The following NKAIN3 variants were observed in gnomAD, a reference collection of about 807,000 sequenced individuals.
The protein encoded by NKAIN3 is sodium/potassium-transporting ATPase subunit beta-1-interacting protein 3.
In NKAIN3, 25 loss-of-function variants were observed where a neutral mutation model predicts 30.2. That is an observed-to-expected ratio of 0.83 (90% CI 0.60 to 1.16). NKAIN3 has a LOEUF of 1.16. Among genes scored for constraint, NKAIN3 ranks in the 50% most tolerant of loss-of-function variants. The pLI, the probability that NKAIN3 is intolerant of heterozygous loss-of-function variation, is 0.00. For synonymous variants in NKAIN3, 91 were observed against 89.6 expected (o/e 1.02, Z -0.09); for missense variants, 225 against 254.1 (o/e 0.89, Z 0.78).
At chr8:62,501,257 G>A (rs1236666626) in intron 1 of NKAIN3, among the ~76,000 whole-genome samples, 1 of 152,072 alleles carries the variant, frequency 6.6e-6, no homozygotes, top group Non-Finnish European at 1.5e-5. Context: ...CACTATCCAT[G>A]AGTAGCTACT....
intron 4 of NKAIN3, among the ~76,000 whole-genome samples, chr8:62,766,018 T>C (rs2130626646): frequency 6.6e-6 from 1 of 152,336 alleles, no homozygotes; most frequent in South Asian, 2.1e-4. Context: ...TCTTGCTTGC[T>C]TTATTTCCAT....
chr8:62,884,527 G>A lies in NKAIN3; in HGVS notation c.472-33926G>A, dbSNP rs535828314. 4.6e-5 allele frequency among the ~76,000 whole-genome samples: 7 copies of A among 152,316 alleles called. No homozygotes were observed. In the South Asian group the frequency reaches 1.2e-3, roughly 27 times the overall value. ...CCACCTCGGCCTCCCAAAGTGCTGG[G>A]ATTACAGGCGTGAGCCCCTGCGTCA... On this transcript the variant is annotated intron_variant, in intron 4 of 6. Coordinates refer to ENST00000623646, the MANE Select transcript of NKAIN3 (RefSeq NM_001304533.3).
chr8:62,282,059 C>G lies in NKAIN3; in HGVS notation c.54+32932C>G, dbSNP rs190378655. Among the ~76,000 whole-genome samples, 277 of 151,916 alleles carry G rather than the reference C, an allele frequency of 1.8e-3. 1 individual carries two copies. Among genetic ancestry groups the G allele is most frequent in the African/African-American group, 6.4e-3 (266 of 41,436 alleles). On this transcript the variant is annotated intron_variant, in intron 1 of 6. Coordinates refer to ENST00000623646, the MANE Select transcript of NKAIN3 (RefSeq NM_001304533.3). ...TGGATCTCTCTCGAGACATCTGTAACCAACAGAAATTAGATGCACAAATCC... is the reference window on the plus strand; with the variant it reads ...TGGATCTCTCTCGAGACATCTGTAAGCAACAGAAATTAGATGCACAAATCC...
chr8:62,736,109 G>T (rs1362535532), intron 3 of NKAIN3, among the ~76,000 whole-genome samples: 1 of 152,186 alleles, frequency 6.6e-6, no homozygotes, highest in Non-Finnish European at 1.5e-5. Flanking sequence ...TTCTGGTTTT[G>T]TGTTTGTTGG....
intron 4 of NKAIN3, among the ~76,000 whole-genome samples, chr8:62,860,743 C>T (rs1820215014): frequency 6.6e-6 from 1 of 152,214 alleles, no homozygotes; most frequent in Non-Finnish European, 1.5e-5. Context: ...GCTTCTTGAC[C>T]TTAGGTTGCA....
intron 4 of NKAIN3, among the ~76,000 whole-genome samples, chr8:62,803,513 T>G (rs1448899919): frequency 2.0e-5 from 3 of 152,108 alleles, no homozygotes; most frequent in Admixed American, 2.0e-4. Context: ...CCTGAATGAC[T>G]ACTGGGTACA....
intron 4 of NKAIN3, among the ~76,000 whole-genome samples, chr8:62,871,163 G>A (rs1820629988): frequency 6.6e-6 from 1 of 152,010 alleles, no homozygotes; most frequent in Non-Finnish European, 1.5e-5. Flanking sequence ...CACTTTGGGA[G>A]GCCAAAGTGG....
chr8:62,330,134 G>A (rs1815290042), intron 1 of NKAIN3, among the ~76,000 whole-genome samples: 1 of 152,024 alleles, frequency 6.6e-6, no homozygotes, highest in African/African-American at 2.4e-5. Context: ...GAAGAGAAAG[G>A]GTGAGCCAAG....
At chr8:62,279,039 G>T (rs961576397) in intron 1 of NKAIN3, among the ~76,000 whole-genome samples, 1 of 152,142 alleles carries the variant, frequency 6.6e-6, no homozygotes, top group Non-Finnish European at 1.5e-5. Context: ...CCCATCACCT[G>T]TTGTTTTCTG....
intron 4 of NKAIN3, among the ~76,000 whole-genome samples, chr8:62,834,772 G>T (rs1819307165): frequency 6.6e-6 from 1 of 151,996 alleles, no homozygotes; most frequent in Non-Finnish European, 1.5e-5. Context: ...GCAATCAATA[G>T]ATTCAATGTT....
At chr8:62,287,907 A>G (rs1361561752) in intron 1 of NKAIN3, among the ~76,000 whole-genome samples, 1 of 152,154 alleles carries the variant, frequency 6.6e-6, no homozygotes, top group Non-Finnish European at 1.5e-5. Context: ...CTCTAATCAC[A>G]TTGACTTGCT....
At chr8:62,676,467 G>T (rs1286259475) in intron 3 of NKAIN3, among the ~76,000 whole-genome samples, 2 of 152,192 alleles carry the variant, frequency 1.3e-5, no homozygotes, top group Non-Finnish European at 2.9e-5. Flanking sequence ...TACTCGGCAG[G>T]CTGAGGCAGT....
chr8:62,334,471 C>T (rs1815466425), intron 1 of NKAIN3, among the ~76,000 whole-genome samples: 1 of 152,086 alleles, frequency 6.6e-6, no homozygotes, highest in Admixed American at 6.6e-5. Flanking sequence ...TTAGAACCTC[C>T]CATAATCCAG....
chr8:62,907,651 G>C (rs1821819917), intron 4 of NKAIN3, among the ~76,000 whole-genome samples: 1 of 152,196 alleles, frequency 6.6e-6, no homozygotes, highest in Admixed American at 6.5e-5. Flanking sequence ...CCAATGTACA[G>C]CTCAGGCTGT....
intron 4 of NKAIN3, among the ~76,000 whole-genome samples, chr8:62,916,911 G>A (rs1015452676): frequency 1.3e-5 from 2 of 151,882 alleles, no homozygotes; most frequent in Admixed American, 1.3e-4. Flanking sequence ...CTTCTTGTGG[G>A]GTGCTTTTAG....
chr8:62,316,761 C>T (rs1202691995), intron 1 of NKAIN3, among the ~76,000 whole-genome samples: 2 of 152,136 alleles, frequency 1.3e-5, no homozygotes, highest in Non-Finnish European at 2.9e-5. Flanking sequence ...GTCTTTATAG[C>T]AGCATGATTT....
In NKAIN3 at chr8:62,352,814, C is replaced by T. The variant is rs944625507; in HGVS notation, c.54+103687C>T. 3.3e-5 allele frequency among the ~76,000 whole-genome samples: 5 copies of T among 152,138 alleles called. No homozygotes were observed. The East Asian group carries it at 5.8e-4, about 18-fold the overall frequency. ...AAATTCTCCAGGTCCACAGAGAGACCATTCATCTTTGTGGAACACCCACTA... is the reference window on the plus strand; with the variant it reads ...AAATTCTCCAGGTCCACAGAGAGACTATTCATCTTTGTGGAACACCCACTA... On this transcript the variant is annotated intron_variant, in intron 1 of 6. Coordinates refer to ENST00000623646, the MANE Select transcript of NKAIN3 (RefSeq NM_001304533.3).
At chr8:62,427,790 T>G (rs1212445182) in intron 1 of NKAIN3, among the ~76,000 whole-genome samples, 1 of 152,050 alleles carries the variant, frequency 6.6e-6, no homozygotes, top group African/African-American at 2.4e-5. Flanking sequence ...TGATCAAATC[T>G]GGGTAATTGT....
At chr8:62,292,607 C>A (rs1014869059) in intron 1 of NKAIN3, among the ~76,000 whole-genome samples, 1 of 152,282 alleles carries the variant, frequency 6.6e-6, no homozygotes, top group Non-Finnish European at 1.5e-5. Context: ...AGAGATCCAC[C>A]GTTAGTCTGA....
Sources: allele counts gnomAD v4.1 joint callset (sites outside exome capture counted in the v4.1 genomes callset), GRCh38; gene constraint gnomAD v4.1.1; transcripts MANE v1.5; gene names NCBI Gene and HGNC (gene_info 2026-07-23, HGNC 2026-07-21).